POGZ: variants seen among roughly 807,000 people sequenced by gnomAD.
The protein encoded by POGZ is pogo transposable element derived with ZNF domain.
In POGZ, 17 loss-of-function variants were observed where a neutral mutation model predicts 134.6. The observed-to-expected ratio is 0.13, with a 90% CI of 0.09 to 0.19. The LOEUF (loss-of-function observed/expected upper bound fraction) is 0.19, where lower values mean the gene tolerates loss of function less well. Ranked by LOEUF, POGZ falls within the 10% of genes least tolerant of loss-of-function variation. The pLI, the probability that POGZ is intolerant of heterozygous loss-of-function variation, is 1.00. For synonymous variants in POGZ, 693 were observed against 657.1 expected, an observed-to-expected ratio of 1.05 and a Z score of -0.84; for missense variants, 1,306 against 1,769.7, an observed-to-expected ratio of 0.74 and a Z score of 4.70.
intron 3 of POGZ, among the ~76,000 whole-genome samples, chr1:151,435,184 A>AGCCACTGC (rs1366604996): frequency 6.6e-6 from 1 of 152,162 alleles, no homozygotes; most frequent in Non-Finnish European, 1.5e-5. Flanking sequence ...TATAGGCGTG[A>AGCCACTGC]GCCACTGCGC....
intron 10 of POGZ, among the ~76,000 whole-genome samples, chr1:151,416,210 C>CAAAAAAAAAAAAAA (rs1212371839): frequency 4.7e-5 from 2 of 42,768 alleles, no homozygotes; most frequent in African/African-American, 1.1e-4. Flanking sequence ...AACTCCATCT[C>CAAAAAAAAAAAAAA]AAAAAAAAAA....
chr1:151,436,083 A>G (rs1463536469), intron 3 of POGZ, among the ~76,000 whole-genome samples: 1 of 151,082 alleles, frequency 6.6e-6, no homozygotes, highest in Non-Finnish European at 1.5e-5. Flanking sequence ...CAGCCTCCCG[A>G]GTAGCTGGGA....
chr1:151,432,548 A>T (rs562140021), intron 3 of POGZ, among the ~76,000 whole-genome samples: 2 of 152,334 alleles, frequency 1.3e-5, no homozygotes, highest in South Asian at 4.1e-4. Flanking sequence ...TGGGTTTTTT[A>T]AATTTTTAAA....
At chr1:151,411,971 G>T (rs1162985348) in intron 11 of POGZ, among the ~76,000 whole-genome samples, 200 bp from the exon 12 acceptor site, 1 of 152,128 alleles carries the variant, frequency 6.6e-6, no homozygotes, top group African/African-American at 2.4e-5. Context: ...AATAGGAAGG[G>T]ACAGAAAGTC....
intron 10 of POGZ, among the ~76,000 whole-genome samples, chr1:151,416,328 G>C (rs1020340255): frequency 3.3e-5 from 5 of 150,608 alleles, no homozygotes; most frequent in African/African-American, 1.2e-4. Context: ...AGGCCAAAGC[G>C]GGTGGCTCAC....
At chr1:151,415,531 C>T (rs950676864) in intron 10 of POGZ, among the ~76,000 whole-genome samples, 3 of 151,592 alleles carry the variant, frequency 2.0e-5, no homozygotes, top group South Asian at 4.1e-4. Context: ...ATTAGCCGGG[C>T]GTGGTGGTGG....
At position 151,427,932 on chromosome 1, in the gene POGZ, G is replaced by A. The variant is rs756154420; in HGVS notation, c.969C>T (p.Thr323=). 4 of 1,613,922 alleles carry A rather than the reference G, an allele frequency of 2.5e-6. No individual in the cohort carries two copies. The highest frequency in any genetic ancestry group is 3.4e-6 in the Non-Finnish European group (4 of 1,179,866). The part of the protein sequence containing the change: ...NSNEVAKLVN[T]LNTIPSLGQS... Reference sequence around the variant, plus strand: ...GGCCCAGGGAAGGGATGGTGTTAAGGGTATTCACCAATTTGGCCACTTCAT... The same window carrying A: ...GGCCCAGGGAAGGGATGGTGTTAAGAGTATTCACCAATTTGGCCACTTCAT... The change falls in exon 7 of 19, where the codon ACC becomes ACT. Residue 323 remains threonine, a synonymous_variant. Transcript: ENST00000271715.
chr1:151,411,829 T>TAA, intron 11 of POGZ, 58 bp from the exon 12 acceptor site: 15 of 1,362,192 alleles, frequency 1.1e-5, no homozygotes, highest in East Asian at 2.7e-5. Context: ...TGAGAGGCCT[T>TAA]AAAAAAAAAG....
chr1:151,445,396 C>T (rs1332377672), intron 1 of POGZ, among the ~76,000 whole-genome samples: 3 of 151,712 alleles, frequency 2.0e-5, no homozygotes, highest in Non-Finnish European at 4.4e-5. Flanking sequence ...GTGGCACACG[C>T]CTGTAATCCC....
intron 3 of POGZ, among the ~76,000 whole-genome samples, chr1:151,432,033 G>A (rs1333920184): frequency 6.6e-6 from 1 of 152,176 alleles, no homozygotes; most frequent in African/African-American, 2.4e-5. Context: ...GCCAGGCATG[G>A]TGGCGCATCC....
chr1:151,416,227 A>G (rs1331093602), intron 10 of POGZ, among the ~76,000 whole-genome samples: 2 of 148,588 alleles, frequency 1.3e-5, no homozygotes, highest in East Asian at 1.9e-4. Context: ...AAAAAAAAAA[A>G]AAAAAAAAGA....
chr1:151,446,132 A>G (rs1312101647), intron 1 of POGZ, among the ~76,000 whole-genome samples: 2 of 149,644 alleles, frequency 1.3e-5, no homozygotes, highest in African/African-American at 4.9e-5. Flanking sequence ...TAATTACTAA[A>G]TATGCAGTGT....
At chr1:151,445,402 ATCCCAGTTAC>A (rs753200692) in intron 1 of POGZ, among the ~76,000 whole-genome samples, 18 of 151,778 alleles carry the variant, frequency 1.2e-4, no homozygotes, top group Non-Finnish European at 2.6e-4. Flanking sequence ...CACGCCTGTA[ATCCCAGTTAC>A]TCAGGAAGCT....
At chr1:151,421,171 G>A (rs971997235) in intron 10 of POGZ, among the ~76,000 whole-genome samples, 1 of 152,002 alleles carries the variant, frequency 6.6e-6, no homozygotes, top group African/African-American at 2.4e-5. Context: ...TTTGGACTGT[G>A]ATTGAGACTA....
At chr1:151,437,763 C>T (rs140771966) in intron 3 of POGZ, among the ~76,000 whole-genome samples, 178 of 151,872 alleles carry the variant, frequency 1.2e-3, no homozygotes, top group African/African-American at 4.1e-3. Flanking sequence ...AAAAAACAAA[C>T]GTTATTCTCA....
At chr1:151,416,625 GT>G (rs202238876) in intron 10 of POGZ, among the ~76,000 whole-genome samples, 3,622 of 139,746 alleles carry the variant, frequency 0.026, 149 homozygotes, top group African/African-American at 0.089. Flanking sequence ...TACTTTTTGG[GT>G]TTTTTTTTTT....
intron 12 of POGZ, among the ~76,000 whole-genome samples, chr1:151,409,928 T>A (rs1274878170): frequency 2.6e-5 from 4 of 152,224 alleles, no homozygotes; most frequent in Non-Finnish European, 4.4e-5. Flanking sequence ...CAAAGCTCTG[T>A]AAGCTTAGGC....
chr1:151,459,189 A>G lies in POGZ; in HGVS notation c.-39T>C, dbSNP rs1427859687. 3 of 151,314 alleles carry G rather than the reference A, an allele frequency of 2.0e-5. No homozygotes were observed. In the East Asian group the frequency reaches 5.9e-4, roughly 30 times the overall value. The allele number at this position is 151,314 out of a possible 1,614,324, so 9.4% of individuals were successfully genotyped here. ...TCGCCGCCGGTAGTCTGACCCGAGG[A>G]AGGCGCCGTCGCCTTAAAGGGACCT... is the stretch of plus-strand genomic sequence containing the variant. On this transcript the variant is annotated 5_prime_UTR_variant, in exon 1 of 19. Transcript: ENST00000271715.
chr1:151,417,687 G>A (rs1655998336), intron 10 of POGZ, among the ~76,000 whole-genome samples: 1 of 85,558 alleles, frequency 1.2e-5, no homozygotes, highest in African/African-American at 4.8e-5. Flanking sequence ...AGGTACTGTG[G>A]CCACACACAC....
Sources: allele counts gnomAD v4.1 joint callset (sites outside exome capture counted in the v4.1 genomes callset), GRCh38; gene constraint gnomAD v4.1.1; transcripts MANE v1.5; gene names NCBI Gene and HGNC (gene_info 2026-07-23, HGNC 2026-07-21).